The following L3MBTL4 variants were observed in gnomAD, a reference collection of about 807,000 sequenced individuals.
L3MBTL4 encodes lethal(3)malignant brain tumor-like protein 4.
A neutral mutation model predicts 84.5 loss-of-function variants in L3MBTL4; 70 were observed. That is an observed-to-expected ratio of 0.83 (90% CI 0.68 to 1.01). L3MBTL4 has a LOEUF of 1.01. Among genes scored for constraint, L3MBTL4 ranks in the 50% least tolerant of loss-of-function variants. The probability of loss-of-function intolerance (pLI) is 0.00; values close to 1 mark genes in which losing one functional copy is unlikely to be tolerated. For synonymous variants in L3MBTL4, 274 were observed against 259.8 expected (o/e 1.05, Z -0.52); for missense variants, 715 against 754.8 (o/e 0.95, Z 0.62).
intron 4 of L3MBTL4, among the ~76,000 whole-genome samples, chr18:6,279,237 A>G (rs2049222154): frequency 6.6e-6 from 1 of 152,208 alleles, no homozygotes; most frequent in African/African-American, 2.4e-5. Flanking sequence ...TGAAGAATTG[A>G]TAAAACAAAA....
At chr18:6,074,158 T>C (rs1259094777) in intron 16 of L3MBTL4, among the ~76,000 whole-genome samples, 1 of 152,220 alleles carries the variant, frequency 6.6e-6, no homozygotes, top group Non-Finnish European at 1.5e-5. Flanking sequence ...TTCATTTATG[T>C]CAATGAGCTT....
At chr18:6,077,392 T>C (rs1487839018) in intron 16 of L3MBTL4, among the ~76,000 whole-genome samples, 2 of 152,180 alleles carry the variant, frequency 1.3e-5, no homozygotes, top group Non-Finnish European at 2.9e-5. Flanking sequence ...TATATTGTTG[T>C]TGTTATATAT....
At chr18:6,336,928 T>C (rs1309064961) in intron 1 of L3MBTL4, among the ~76,000 whole-genome samples, 1 of 152,174 alleles carries the variant, frequency 6.6e-6, no homozygotes, top group African/African-American at 2.4e-5. Context: ...TAAATTAAAT[T>C]AATGAAAGAC....
intron 16 of L3MBTL4, among the ~76,000 whole-genome samples, chr18:6,009,783 G>C (rs1305356435): frequency 6.6e-6 from 1 of 152,146 alleles, no homozygotes; most frequent in African/African-American, 2.4e-5. Context: ...TGAATCTGTG[G>C]TTGCAGGTAA....
intron 15 of L3MBTL4, among the ~76,000 whole-genome samples, chr18:6,086,513 A>G (rs2058264752): frequency 6.6e-6 from 1 of 152,214 alleles, no homozygotes; most frequent in Non-Finnish European, 1.5e-5. Flanking sequence ...TAGAGACTCC[A>G]GTGAGGTGCC....
chr18:6,353,506 A>G (rs1330577507), intron 1 of L3MBTL4, among the ~76,000 whole-genome samples: 1 of 152,120 alleles, frequency 6.6e-6, no homozygotes, highest in Non-Finnish European at 1.5e-5. Context: ...GATTTTTACT[A>G]TCTTTGTTTG....
chr18:6,398,139 T>G (rs1294087514), intron 1 of L3MBTL4: 1 of 152,168 alleles, frequency 6.6e-6, no homozygotes, highest in Non-Finnish European at 1.5e-5. Flanking sequence ...CGGGCACCAC[T>G]GCACTCCAGC....
chr18:6,291,775 G>A (rs2049876824), intron 4 of L3MBTL4, among the ~76,000 whole-genome samples: 1 of 152,136 alleles, frequency 6.6e-6, no homozygotes, highest in South Asian at 2.1e-4. Flanking sequence ...AAATGCTCCA[G>A]AACATTAGTC....
At chr18:6,270,182 A>G (rs780869091) in intron 4 of L3MBTL4, among the ~76,000 whole-genome samples, 1 of 152,172 alleles carries the variant, frequency 6.6e-6, no homozygotes, top group Non-Finnish European at 1.5e-5. Context: ...TGAACAACTG[A>G]TCACTGCTGA....
intron 12 of L3MBTL4, among the ~76,000 whole-genome samples, chr18:6,180,318 T>C (rs2044411828): frequency 6.6e-6 from 1 of 151,944 alleles, no homozygotes; most frequent in Non-Finnish European, 1.5e-5. Context: ...ACAGGGATTA[T>C]GAAATATGCC....
intron 16 of L3MBTL4, among the ~76,000 whole-genome samples, chr18:6,034,908 G>A (rs561074255): frequency 5.7e-4 from 86 of 149,908 alleles, no homozygotes; most frequent in South Asian, 1.9e-3. Context: ...GTGATGATGA[G>A]CATTTTTTCA....
chr18:6,033,442 T>C (rs1006660499), intron 16 of L3MBTL4, among the ~76,000 whole-genome samples: 2 of 152,206 alleles, frequency 1.3e-5, no homozygotes, highest in Admixed American at 6.5e-5. Context: ...CCTCTGTCTT[T>C]TGATTGGAGA....
intron 5 of L3MBTL4, among the ~76,000 whole-genome samples, chr18:6,256,565 A>G (rs984002922): frequency 1.3e-5 from 2 of 151,396 alleles, no homozygotes; most frequent in African/African-American, 4.9e-5. Context: ...AATAATAGCT[A>G]TGAAGAGGGG....
At chr18:6,028,861 C>A (rs915451714) in intron 16 of L3MBTL4, among the ~76,000 whole-genome samples, 3 of 152,124 alleles carry the variant, frequency 2.0e-5, no homozygotes, top group Non-Finnish European at 2.9e-5. Flanking sequence ...GGAGTCACCA[C>A]TGAATTAAGT....
chr18:5,974,625 C>A (rs662072), intron 16 of L3MBTL4, among the ~76,000 whole-genome samples: 2 of 152,062 alleles, frequency 1.3e-5, no homozygotes, highest in South Asian at 4.1e-4. Flanking sequence ...AACAGACTTG[C>A]GACACGAGGC....
intron 4 of L3MBTL4, among the ~76,000 whole-genome samples, chr18:6,296,253 A>C (rs1243315821): frequency 6.6e-6 from 1 of 152,188 alleles, no homozygotes; most frequent in African/African-American, 2.4e-5. Context: ...ACTCCCTGAT[A>C]ATAAGTTAAC....
intron 16 of L3MBTL4, among the ~76,000 whole-genome samples, chr18:6,069,301 A>AT: frequency 6.6e-6 from 1 of 152,188 alleles, no homozygotes. Flanking sequence ...TCCTGGGCGC[A>AT]TTCTACCTAG....
intron 17 of L3MBTL4, among the ~76,000 whole-genome samples, chr18:5,960,360 T>C (rs1397070794): frequency 6.6e-6 from 1 of 152,224 alleles, no homozygotes. Flanking sequence ...ATTACCGGGC[T>C]GACCTGCAGA....
At chr18:6,261,527 C>G (rs2048399118) in intron 5 of L3MBTL4, among the ~76,000 whole-genome samples, 1 of 152,198 alleles carries the variant, frequency 6.6e-6, no homozygotes, top group Non-Finnish European at 1.5e-5. Context: ...CTGTATGTCC[C>G]ACAACGTTGT....
Sources: gnomAD v4.1 joint callset for allele counts (sites outside exome capture counted in the v4.1 genomes callset) on GRCh38, gnomAD v4.1.1 for gene constraint, MANE v1.5 for transcripts, NCBI Gene and HGNC (gene_info 2026-07-23, HGNC 2026-07-21) for gene names.